Variants in MAP1B observed in about 807,000 individuals in gnomAD.
MAP1B encodes microtubule associated protein 1B.
Under a neutral mutation model 176.1 loss-of-function variants are expected in MAP1B, and 12 were observed. That is an observed-to-expected ratio of 0.07 (90% CI 0.04 to 0.11). The LOEUF is 0.11. Among genes scored for constraint, MAP1B ranks in the 10% least tolerant of loss-of-function variants. The pLI is 1.00. For missense variants in MAP1B, 2,523 were observed against 2,990.5 expected (o/e 0.84, Z 3.65); for synonymous variants, 1,044 against 1,135.0 (o/e 0.92, Z 1.61).
At chr5:72,169,763 G>A (rs1019723188) in intron 2 of MAP1B, among the ~76,000 whole-genome samples, 1 of 152,140 alleles carries the variant, frequency 6.6e-6, no homozygotes, top group African/African-American at 2.4e-5. Flanking sequence ...GTTGGTTGGA[G>A]GCAATAGCTC....
At position 72,197,651 on chromosome 5, in the gene MAP1B, G is replaced by T; in HGVS notation, c.4296G>T (p.Lys1432Asn). ...GRGAESPFEE[K>N]SGKQGSPDQV... Reference sequence around the variant, plus strand: ...GTGCCGAAAGTCCTTTTGAAGAAAAGAGTGGAAAACAAGGCTCTCCAGACC... The same window carrying T: ...GTGCCGAAAGTCCTTTTGAAGAAAATAGTGGAAAACAAGGCTCTCCAGACC... The change falls in exon 5 of 7, where the codon AAG becomes AAT. Residue 1432 changes from lysine (K) to asparagine (N), a missense_variant. Coordinates refer to ENST00000296755, the MANE Select transcript of MAP1B (RefSeq NM_005909.5). 1 of 1,614,204 alleles carries T rather than the reference G, an allele frequency of 6.2e-7. No individual in the cohort carries two copies. The highest frequency in any genetic ancestry group is 8.5e-7 in the Non-Finnish European group (1 of 1,180,032).
At chr5:72,157,393 T>A (rs1277433970) in intron 2 of MAP1B, among the ~76,000 whole-genome samples, 1 of 152,180 alleles carries the variant, frequency 6.6e-6, no homozygotes, top group South Asian at 2.1e-4. Flanking sequence ...AAATCTCCAA[T>A]TTATTATTTA....
chr5:72,186,746 G>A lies in MAP1B; in HGVS notation c.502G>A (p.Asp168Asn), dbSNP rs1181641496. 1.1e-5 allele frequency: 17 copies of A among 1,614,048 alleles called. No homozygotes were observed. Among genetic ancestry groups the A allele is most frequent in the African/African-American group, 1.3e-5 (1 of 75,052 alleles). ...SFQNFIEIFT[D>N]QEIGELLSTT... Reference sequence around the variant, plus strand: ...CCAGAACTTCATAGAGATTTTCACCGATCAAGAGGTAGGTTCGTGTCTGAG... The same window carrying A: ...CCAGAACTTCATAGAGATTTTCACCAATCAAGAGGTAGGTTCGTGTCTGAG... Residue 168 changes from aspartate to asparagine, a missense_variant, in exon 4 of 7, where the codon GAT (aspartate) becomes AAT (asparagine). Asp to Asn is a conservative substitution (Grantham distance 23). Around this residue, in one of 4 missense-constraint regions of MAP1B, gnomAD observed 307 missense variants for 438.4 expected, o/e 0.70. Coordinates refer to ENST00000296755, the MANE Select transcript of MAP1B (RefSeq NM_005909.5). This position sits in a 1 kb window ranked among gnomAD's most constrained non-coding sequence, Gnocchi z 4.3.
rs1747132947 is a variant in MAP1B at position 72,195,388 on chromosome 5, A to G, written c.2033A>G (p.Glu678Gly). ...PIKKEEKPKKEEVKKEVKKEI... is the reference protein window; with the variant it reads ...PIKKEEKPKKGEVKKEVKKEI... ...AAGAAGGAGGAAAAACCAAAAAAGG[A>G]AGAGGTGAAAAAAGAAGTCAAAAAA... Residue 678 changes from glutamate (E) to glycine (G), a missense_variant, in exon 5 of 7, where the codon GAA (glutamate) becomes GGA (glycine). By Grantham distance (98) the Glu-to-Gly change is moderately conservative. Around this residue, in one of 4 missense-constraint regions of MAP1B, gnomAD observed 1,925 missense variants for 2,126.0 expected, o/e 0.91. Coordinates refer to ENST00000296755, the MANE Select transcript of MAP1B (RefSeq NM_005909.5). 1 of 1,564,068 alleles carries G rather than the reference A, an allele frequency of 6.4e-7. No homozygotes were observed. The highest frequency in any genetic ancestry group is 1.4e-5 in the African/African-American group (1 of 72,320).
Position 72,205,191 on chromosome 5 carries a change from A to G in MAP1B, c.7359A>G (p.Thr2453=). The G allele has an allele frequency of 6.2e-7, 1 of 1,614,130 alleles. No homozygotes were observed. Among genetic ancestry groups the G allele is most frequent in the South Asian group, 1.1e-5 (1 of 91,078 alleles). ...LNIMVLASSS[T]VVMQDESFPA... ...TCATGGTTTTAGCAAGCAGCAGCAC[A>G]GTGGTTATGCAAGATGAATCCTTCC... Residue 2453 remains threonine (T), a synonymous_variant, in exon 7 of 7, where the codon ACA becomes ACG. Transcript: ENST00000296755.
rs777698464 is a variant in MAP1B at position 72,198,888 on chromosome 5, C to G, written c.5533C>G (p.Leu1845Val). ...GTTATTCGATACAATGCAACACCAT[C>G]TAGCCTTGAATAGAGATTTGTCCAC... ...SVLFDTMQHH[L>V]ALNRDLSTPG... The change falls in exon 5 of 7, where the codon CTA becomes GTA. Residue 1845 changes from leucine to valine, a missense_variant. Transcript: ENST00000296755. The G allele has an allele frequency of 2.5e-6, 4 of 1,614,118 alleles. No individual in the cohort carries two copies. In the Admixed American group the frequency reaches 6.7e-5, roughly 27 times the overall value.
intron 1 of MAP1B, among the ~76,000 whole-genome samples, chr5:72,112,862 G>A (rs950557918): frequency 6.6e-6 from 1 of 152,168 alleles, no homozygotes; most frequent in Non-Finnish European, 1.5e-5. Context: ...ATATTGGGGT[G>A]AAAATTAGAA....
At chr5:72,109,406 G>A (rs1745265205) in intron 1 of MAP1B, among the ~76,000 whole-genome samples, 1 of 152,040 alleles carries the variant, frequency 6.6e-6, no homozygotes, top group South Asian at 2.1e-4. Flanking sequence ...TAGTTTATTT[G>A]CACAATTTTC....
chr5:72,119,614 C>T (rs1745490902), intron 2 of MAP1B, among the ~76,000 whole-genome samples: 1 of 152,038 alleles, frequency 6.6e-6, no homozygotes, highest in African/African-American at 2.4e-5. Flanking sequence ...CTCAAATGAT[C>T]CCCCCACCTC....
chr5:72,152,910 C>G (rs915684740), intron 2 of MAP1B, among the ~76,000 whole-genome samples: 2 of 152,124 alleles, frequency 1.3e-5, no homozygotes, highest in African/African-American at 4.8e-5. Context: ...GCTGGGTCTG[C>G]TGGGCCTGCT....
intron 1 of MAP1B, 23 bp downstream of exon 1, chr5:72,107,738 A>T (rs764919492): frequency 6.3e-6 from 10 of 1,596,468 alleles, no homozygotes; most frequent in African/African-American, 4.0e-5. Context: ...GCGCCCCCAG[A>T]GACGCGCGCT....
In MAP1B at chr5:72,186,541, GC is replaced by G; in HGVS notation, c.370-72del. 1 of 1,569,992 alleles carries G rather than the reference GC, an allele frequency of 6.4e-7. No homozygotes were observed. Among genetic ancestry groups the G allele is most frequent in the Non-Finnish European group, 8.7e-7 (1 of 1,152,024 alleles). ...GTAATAAACTCCCATGGCTCCGAAG[GC>G]TAGCCCTGTCCTGAAGGTGGGATGG... is the stretch of plus-strand genomic sequence containing the variant. On this transcript the variant is annotated intron_variant, in intron 3 of 6. Coordinates refer to ENST00000296755, the MANE Select transcript of MAP1B (RefSeq NM_005909.5). This position sits in a 1 kb window ranked among gnomAD's most constrained non-coding sequence, Gnocchi z 4.3.
intron 2 of MAP1B, among the ~76,000 whole-genome samples, chr5:72,166,439 CT>C (rs1413485911): frequency 6.6e-6 from 1 of 152,146 alleles, no homozygotes; most frequent in Admixed American, 6.5e-5. Flanking sequence ...TAAATTTGGC[CT>C]CCAAAATATT....
intron 2 of MAP1B, chr5:72,116,350 C>T (rs949707644): frequency 2.1e-5 from 7 of 335,184 alleles, no homozygotes; most frequent in Non-Finnish European, 3.4e-5. Flanking sequence ...CATTGCATTA[C>T]CACTTATCTT....
At chr5:72,158,347 A>G (rs1561301358) in intron 2 of MAP1B, among the ~76,000 whole-genome samples, 2 of 152,088 alleles carry the variant, frequency 1.3e-5, no homozygotes, top group East Asian at 1.9e-4. Flanking sequence ...AATCTGATGT[A>G]TTAGTAAGAG....
At chr5:72,129,657 G>C (rs534223912) in intron 2 of MAP1B, among the ~76,000 whole-genome samples, 5 of 151,632 alleles carry the variant, frequency 3.3e-5, no homozygotes, top group Non-Finnish European at 7.4e-5. Flanking sequence ...TCCCTCACGC[G>C]TTTTCCCCTC....
chr5:72,119,231 A>T (rs983478838), intron 2 of MAP1B, among the ~76,000 whole-genome samples: 4 of 152,200 alleles, frequency 2.6e-5, no homozygotes, highest in Non-Finnish European at 4.4e-5. Context: ...TGGAGTGGTC[A>T]GTCATCTGGG....
intron 1 of MAP1B, among the ~76,000 whole-genome samples, chr5:72,111,700 C>G (rs983395593): frequency 2.6e-5 from 4 of 152,102 alleles, no homozygotes; most frequent in Non-Finnish European, 5.9e-5. Context: ...GCTCTGTGAT[C>G]CATGCTGAAA....
At chr5:72,171,705 G>T (rs1746545751) in intron 2 of MAP1B, among the ~76,000 whole-genome samples, 2 of 152,160 alleles carry the variant, frequency 1.3e-5, no homozygotes, top group South Asian at 4.1e-4. Context: ...CCCAGACAGG[G>T]CCTGTAACTA....
Sources: gnomAD v4.1 joint callset for allele counts (sites outside exome capture counted in the v4.1 genomes callset) on GRCh38, gnomAD v4.1.1 for gene constraint, gnomAD v4.1.1 regional missense constraint, Gnocchi (gnomAD v3.1) non-coding constraint, MANE v1.5 for transcripts, NCBI Gene and HGNC (gene_info 2026-07-23, HGNC 2026-07-21) for gene names.